SLC25A24: variants seen among roughly 807,000 people sequenced by gnomAD.
SLC25A24 encodes mitochondrial adenyl nucleotide antiporter SLC25A24.
SLC25A24 carries 49 observed loss-of-function variants against 60.7 expected under a neutral mutation model. That is an observed-to-expected ratio of 0.81 (90% CI 0.64 to 1.02). SLC25A24 has a LOEUF of 1.02. Among genes scored for constraint, SLC25A24 ranks in the 50% least tolerant of loss-of-function variants. The pLI is 0.00. For missense variants in SLC25A24, 564 were observed against 586.3 expected (o/e 0.96, Z 0.39); for synonymous variants, 202 against 200.6 (o/e 1.01, Z -0.06).
chr1:108,142,655 T>C (rs1486169372), intron 8 of SLC25A24, among the ~76,000 whole-genome samples: 1 of 152,160 alleles, frequency 6.6e-6, no homozygotes, highest in Non-Finnish European at 1.5e-5. Flanking sequence ...GTTAAGGTGT[T>C]TCTGTTTGGA....
chr1:108,152,157 T>C (rs1201482323), intron 6 of SLC25A24, among the ~76,000 whole-genome samples: 2 of 152,146 alleles, frequency 1.3e-5, no homozygotes, highest in African/African-American at 4.8e-5. Context: ...GCCCCTACCA[T>C]ATTCAGAATA....
chr1:108,147,468 G>T (rs1014033682), intron 7 of SLC25A24, among the ~76,000 whole-genome samples: 12 of 152,088 alleles, frequency 7.9e-5, no homozygotes, highest in Non-Finnish European at 1.6e-4. Context: ...GAATTTGTTT[G>T]CTCTTGCTTC....
intron 1 of SLC25A24, among the ~76,000 whole-genome samples, chr1:108,194,584 G>T (rs1478271426): frequency 9.1e-6 from 1 of 110,412 alleles, no homozygotes; most frequent in African/African-American, 2.7e-5. Flanking sequence ...CTAATAAAAG[G>T]CAGGTAGTTT....
chr1:108,139,031 G>A (rs752717434), intron 9 of SLC25A24, 27 bp downstream of exon 9: 16 of 1,517,908 alleles, frequency 1.1e-5, no homozygotes, highest in South Asian at 6.7e-5. Flanking sequence ...CACTTTTATC[G>A]GTGTGGTTCT....
chr1:108,157,507 A>G lies in SLC25A24; in HGVS notation c.624T>C (p.Ser208=). 6.2e-7 allele frequency: 1 copy of G among 1,614,194 alleles called. No homozygotes were observed. The highest frequency in any genetic ancestry group is 1.1e-5 in the South Asian group (1 of 91,082). The change falls in exon 5 of 10, where the codon TCT becomes TCC. Residue 208 remains serine, a synonymous_variant. Transcript: ENST00000565488. The part of the protein sequence containing the change: ...LLAGGIAGAV[S]RTSTAPLDRL... ...GGTCCAAAGGGGCAGTGCTTGTTCG[A>G]GAGACAGCACCAGCAATGCCTCCTG...
Position 108,136,770 on chromosome 1 carries a change from TCC to T in SLC25A24, c.1315_1316del (p.Gly439AsnfsTer27). 1.2e-6 allele frequency: 2 copies of T among 1,614,176 alleles called. No homozygotes were observed. Among genetic ancestry groups the T allele is most frequent in the South Asian group, 2.2e-5 (2 of 91,090 alleles). On this transcript the variant is annotated frameshift_variant, in exon 10 of 10. Transcript: ENST00000565488. LOFTEE classifies it high-confidence loss of function. ...GLFRRIISKE[G>X]IPGLYRGITP... ...TGATGCCTCTGTAAAGTCCTGGTAT[TCC>T]TTCTTTGGAAATAATTCGTCGAAAG... is the stretch of plus-strand genomic sequence containing the variant.
intron 3 of SLC25A24, among the ~76,000 whole-genome samples, chr1:108,170,523 G>A (rs1222425146): frequency 6.6e-6 from 1 of 151,906 alleles, no homozygotes; most frequent in African/African-American, 2.4e-5. Context: ...GTTTTTCTCT[G>A]CTTGACCTAT....
chr1:108,153,695 T>C (rs1191476449), intron 6 of SLC25A24, among the ~76,000 whole-genome samples: 1 of 152,188 alleles, frequency 6.6e-6, no homozygotes, highest in Non-Finnish European at 1.5e-5. Context: ...AAAGTTAGTG[T>C]GCAGAAATCA....
At position 108,157,540 on chromosome 1, in the gene SLC25A24, C is replaced by T; in HGVS notation, c.591G>A (p.Gln197=). Residue 197 remains glutamine (Q), a synonymous_variant, in exon 5 of 10, where the codon CAG becomes CAA. Coordinates refer to ENST00000565488, the MANE Select transcript of SLC25A24 (RefSeq NM_013386.5). ...DEKKSGQWWR[Q]LLAGGIAGAV... is the part of the protein sequence containing the mutation. ...CACCAGCAATGCCTCCTGCCAAAAG[C>T]TGCCTCCACCATTGTCCGGATTTTT... 6.2e-7 allele frequency: 1 copy of T among 1,614,174 alleles called. No homozygotes were observed. The highest frequency in any genetic ancestry group is 8.5e-7 in the Non-Finnish European group (1 of 1,180,020).
chr1:108,154,841 A>G, intron 6 of SLC25A24, 142 bp downstream of exon 6: 1 of 514,394 alleles, frequency 1.9e-6, no homozygotes, highest in Middle Eastern at 3.9e-4. Flanking sequence ...CTAATCTCCT[A>G]TAAGTGATCC....
chr1:108,185,725 T>C lies in SLC25A24; in HGVS notation c.310+103A>G, dbSNP rs694667. 158,069 of 821,394 alleles carry C rather than the reference T, an allele frequency of 0.19. 15,951 individuals are homozygous for C. Among genetic ancestry groups the C allele is most frequent in the Middle Eastern group, 0.22 (776 of 3,602 alleles). 50.9% of individuals were successfully genotyped at this position (821,394 alleles called of 1,614,324 possible). On this transcript the variant is annotated intron_variant, in intron 2 of 9. Coordinates refer to ENST00000565488, the MANE Select transcript of SLC25A24 (RefSeq NM_013386.5). ...AAAAAGTATTAACACAAATAATAAT[T>C]ATCATCTAAAACCAGAGAGATTAAA... is the stretch of plus-strand genomic sequence containing the variant.
chr1:108,199,792 C>A (rs1256681188), intron 1 of SLC25A24, 164 bp downstream of exon 1: 2 of 607,726 alleles, frequency 3.3e-6, no homozygotes, highest in Non-Finnish European at 5.8e-6. Context: ...GGTCGCCGGT[C>A]GCGGCCCCAC....
At chr1:108,183,313 A>T (rs914741821) in intron 2 of SLC25A24, among the ~76,000 whole-genome samples, 3 of 152,210 alleles carry the variant, frequency 2.0e-5, no homozygotes, top group African/African-American at 7.2e-5. Context: ...TCTGTTAGTA[A>T]AGAAATTATG....
intron 3 of SLC25A24, among the ~76,000 whole-genome samples, chr1:108,177,196 A>G (rs1347648122): frequency 2.0e-5 from 3 of 152,166 alleles, no homozygotes. Flanking sequence ...AAAATAAACT[A>G]TTATAACTCT....
At chr1:108,188,839 C>T (rs1451084276) in intron 1 of SLC25A24, among the ~76,000 whole-genome samples, 3 of 152,176 alleles carry the variant, frequency 2.0e-5, no homozygotes, top group Non-Finnish European at 4.4e-5. Flanking sequence ...GCATAGTTAC[C>T]TCTTCATGCT....
intron 5 of SLC25A24, among the ~76,000 whole-genome samples, chr1:108,157,218 T>C (rs1449130540): frequency 6.6e-6 from 1 of 152,230 alleles, no homozygotes; most frequent in African/African-American, 2.4e-5. Context: ...AATTAAATGT[T>C]TGAATAGTCA....
intron 1 of SLC25A24, chr1:108,192,818 C>T (rs1648388501): frequency 8.1e-7 from 1 of 1,239,430 alleles, no homozygotes; most frequent in Non-Finnish European, 1.0e-6. Context: ...CTAACGGCTT[C>T]AGCGCAAAGG....
chr1:108,150,863 T>C (rs1679736225), intron 6 of SLC25A24, among the ~76,000 whole-genome samples: 1 of 152,044 alleles, frequency 6.6e-6, no homozygotes, highest in South Asian at 2.1e-4. Flanking sequence ...TTATTTGTAT[T>C]GACATGCTTC....
At chr1:108,199,738 A>G (rs1218673240) in intron 1 of SLC25A24, 2 of 590,396 alleles carry the variant, frequency 3.4e-6, no homozygotes, top group African/African-American at 1.9e-5. Context: ...TTATCTGGAC[A>G]AATACCAGTA....
Sources: gnomAD v4.1 joint callset for allele counts (sites outside exome capture counted in the v4.1 genomes callset) on GRCh38, gnomAD v4.1.1 for gene constraint, MANE v1.5 for transcripts, NCBI Gene and HGNC (gene_info 2026-07-23, HGNC 2026-07-21) for gene names.